The following CAMTA1 variants were observed in gnomAD, a reference collection of about 807,000 sequenced individuals.
The protein encoded by CAMTA1 is calmodulin-binding transcription activator 1.
CAMTA1 carries 27 observed loss-of-function variants against 170.9 expected under a neutral mutation model. The ratio of observed to expected loss-of-function variants is 0.16; its 90% CI spans 0.12 to 0.22. The LOEUF (loss-of-function observed/expected upper bound fraction) is 0.22, where lower values mean the gene tolerates loss of function less well. CAMTA1 is among the 10% of genes least tolerant of loss of function. The pLI is 1.00. For missense variants in CAMTA1, 1,619 were observed against 2,217.2 expected (o/e 0.73, Z 5.42); for synonymous variants, 833 against 891.5 (o/e 0.93, Z 1.17).
chr1:7,144,236 A>AGTGTGTGTGTGT lies in CAMTA1; in HGVS notation c.302+52870_302+52881dup, dbSNP rs57358691. ...CTATGTCCTCAGATGGCCTTTTCTA[A>AGTGTGTGTGTGT]GTGTGTGTGTGTGTGTATGTGTGTG... On this transcript the variant is annotated intron_variant, in intron 4 of 22. Coordinates refer to ENST00000303635, the MANE Select transcript of CAMTA1 (RefSeq NM_015215.4). The surrounding 1 kb of genome is among the most constrained non-coding windows in gnomAD (Gnocchi z 4.0). Among the ~76,000 whole-genome samples the AGTGTGTGTGTGT allele has an allele frequency of 2.4e-4, 36 of 150,392 alleles. No individual in the cohort carries two copies. The highest frequency in any genetic ancestry group is 8.6e-4 in the African/African-American group (35 of 40,872).
intron 11 of CAMTA1, among the ~76,000 whole-genome samples, chr1:7,679,430 G>T (rs1209602155): frequency 6.6e-6 from 1 of 152,198 alleles, no homozygotes; most frequent in Non-Finnish European, 1.5e-5. Flanking sequence ...TACCCCAGAA[G>T]CTACGGCACG....
intron 4 of CAMTA1, among the ~76,000 whole-genome samples, chr1:7,140,428 T>A (rs1255492178): frequency 6.6e-6 from 1 of 152,170 alleles, no homozygotes; most frequent in Non-Finnish European, 1.5e-5. Flanking sequence ...CCCCAAGCCC[T>A]TATAGGACTT....
intron 6 of CAMTA1, among the ~76,000 whole-genome samples, chr1:7,498,351 TAG>T (rs2093874986): frequency 7.0e-6 from 1 of 143,326 alleles, no homozygotes; most frequent in Admixed American, 6.9e-5. Flanking sequence ...TGAGTGTGTG[TAG>T]AGTGAGTGTG....
chr1:7,718,554 CT>C (rs34752156), intron 11 of CAMTA1, among the ~76,000 whole-genome samples: 17,438 of 123,362 alleles, frequency 0.14, 512 homozygotes, highest in East Asian at 0.18. Flanking sequence ...CATTACAGCA[CT>C]TTTTTTTTTT....
intron 5 of CAMTA1, among the ~76,000 whole-genome samples, chr1:7,374,483 C>T (rs845215): frequency 0.61 from 93,403 of 152,154 alleles, 30,994 homozygotes; most frequent in Middle Eastern, 0.75. Flanking sequence ...GAGGAGGGGC[C>T]GCCAACAATG....
At chr1:6,789,266 G>A (rs1190267015) in intron 1 of CAMTA1, among the ~76,000 whole-genome samples, 1 of 151,890 alleles carries the variant, frequency 6.6e-6, no homozygotes, top group Non-Finnish European at 1.5e-5. Context: ...TGTGTTTTCT[G>A]TTTCCTTAGT....
At chr1:7,741,565 A>G (rs1302807159) in intron 16 of CAMTA1, among the ~76,000 whole-genome samples, 1 of 151,896 alleles carries the variant, frequency 6.6e-6, no homozygotes, top group African/African-American at 2.4e-5. Context: ...CTCTCTCAAA[A>G]AAAAAAAAAT....
At chr1:7,030,383 C>G (rs1445057167) in intron 3 of CAMTA1, among the ~76,000 whole-genome samples, 1 of 152,012 alleles carries the variant, frequency 6.6e-6, no homozygotes, top group Non-Finnish European at 1.5e-5. Context: ...CATGTTGACA[C>G]GTTTTATTAT....
At chr1:7,269,513 G>A (rs1355191486) in intron 5 of CAMTA1, among the ~76,000 whole-genome samples, 1 of 152,186 alleles carries the variant, frequency 6.6e-6, no homozygotes, top group Admixed American at 6.5e-5. Flanking sequence ...TCAACAGGTT[G>A]AGATTACACA....
intron 1 of CAMTA1, among the ~76,000 whole-genome samples, chr1:6,815,601 G>A (rs1179437947): frequency 6.6e-6 from 1 of 152,184 alleles, no homozygotes; most frequent in Non-Finnish European, 1.5e-5. Flanking sequence ...GTATAGTTTT[G>A]TATTATGTAC....
intron 3 of CAMTA1, among the ~76,000 whole-genome samples, chr1:6,969,260 G>T (rs1692107620): frequency 6.6e-6 from 1 of 152,218 alleles, no homozygotes; most frequent in South Asian, 2.1e-4. Flanking sequence ...TCTGAACTTG[G>T]AGTCTGGGCA....
chr1:6,963,434 C>G (rs1690925473), intron 3 of CAMTA1, among the ~76,000 whole-genome samples: 4 of 152,054 alleles, frequency 2.6e-5, no homozygotes, highest in African/African-American at 9.6e-5. Flanking sequence ...GCCTGGCGCC[C>G]CGCAGCGGCA....
In CAMTA1 at chr1:7,172,417, C is replaced by T. The variant is rs191212867; in HGVS notation, c.303-77074C>T. Reference sequence around the variant, plus strand: ...TGCCCACCTCGGCCTCCCAAAGTGCCGGGATTACAGGCATGAGCCACTGTG... The same window carrying T: ...TGCCCACCTCGGCCTCCCAAAGTGCTGGGATTACAGGCATGAGCCACTGTG... On this transcript the variant is annotated intron_variant, in intron 4 of 22. Transcript: ENST00000303635. 5.9e-5 allele frequency among the ~76,000 whole-genome samples: 9 copies of T among 152,264 alleles called. No homozygotes were observed. In the East Asian group the frequency reaches 1.2e-3, roughly 20 times the overall value.
intron 5 of CAMTA1, among the ~76,000 whole-genome samples, chr1:7,262,023 T>C (rs1049377946): frequency 1.3e-4 from 20 of 152,230 alleles, no homozygotes; most frequent in African/African-American, 4.6e-4. Context: ...TATGATGTGG[T>C]GCCCTCACAC....
intron 6 of CAMTA1, among the ~76,000 whole-genome samples, chr1:7,479,937 GTA>G (rs59634697): frequency 0.55 from 83,619 of 151,680 alleles, 23,701 homozygotes; most frequent in African/African-American, 0.69. Flanking sequence ...GTATATGTGT[GTA>G]TGAGTGTATG....
At chr1:6,793,219 T>G (rs1366546008) in intron 1 of CAMTA1, among the ~76,000 whole-genome samples, 1 of 152,098 alleles carries the variant, frequency 6.6e-6, no homozygotes, top group Admixed American at 6.5e-5. Flanking sequence ...AGCAGATAAT[T>G]TTTGGATGTG....
At chr1:7,628,592 A>T (rs957183988) in intron 6 of CAMTA1, among the ~76,000 whole-genome samples, 1 of 152,226 alleles carries the variant, frequency 6.6e-6, no homozygotes, top group Non-Finnish European at 1.5e-5. Flanking sequence ...AGGGGAGCAG[A>T]TGGGCAGGAA....
At chr1:7,439,831 G>C (rs1251633388) in intron 5 of CAMTA1, among the ~76,000 whole-genome samples, 1 of 152,226 alleles carries the variant, frequency 6.6e-6, no homozygotes, top group African/African-American at 2.4e-5. Context: ...GCAAAGCCTG[G>C]GTATCTGAGG....
intron 3 of CAMTA1, among the ~76,000 whole-genome samples, chr1:6,909,381 CAAAG>C (rs1220984752): frequency 1.3e-5 from 2 of 152,170 alleles, no homozygotes; most frequent in Non-Finnish European, 2.9e-5. Flanking sequence ...CTAAAAATGA[CAAAG>C]AAGTGCTTCT....
Sources: gnomAD v4.1 joint callset for allele counts (sites outside exome capture counted in the v4.1 genomes callset) on GRCh38, gnomAD v4.1.1 for gene constraint, Gnocchi (gnomAD v3.1) non-coding constraint, MANE v1.5 for transcripts, NCBI Gene and HGNC (gene_info 2026-07-23, HGNC 2026-07-21) for gene names.